TAFA2: variants seen among roughly 807,000 people sequenced by gnomAD.
The protein encoded by TAFA2 is TAFA chemokine like family member 2.
TAFA2 carries 7 observed loss-of-function variants against 18.8 expected under a neutral mutation model. The observed-to-expected ratio is 0.37, with a 90% CI of 0.21 to 0.70. The LOEUF is 0.70. Among genes scored for constraint, TAFA2 ranks in the 30% least tolerant of loss-of-function variants. TAFA2 has a pLI of 0.53. For synonymous variants in TAFA2, 60 were observed against 54.2 expected (o/e 1.11, Z -0.47); for missense variants, 122 against 158.1 (o/e 0.77, Z 1.23).
Position 62,257,173 on chromosome 12 carries a change from T to TATATATACACA in TAFA2, c.-130+1589_-130+1590insTGTGTATATAT, listed in dbSNP as rs1251453625. Among the ~76,000 whole-genome samples the TATATATACACA allele has an allele frequency of 6.7e-3, 1,009 of 151,202 alleles. 16 individuals are homozygous for TATATATACACA. Among genetic ancestry groups the TATATATACACA allele is most frequent in the African/African-American group, 0.022 (909 of 41,120 alleles). On this transcript the variant is annotated intron_variant, in intron 1 of 5. Coordinates refer to the TAFA2 transcript ENST00000551619. ...ATATATACATATATATGTGTGTGTG[T>TATATATACACA]GTGTGTGTGTGTGTGTGTGTGTGTG...
chr12:62,011,034 A>G (rs4763131), intron 1 of TAFA2, among the ~76,000 whole-genome samples: 36,886 of 85,468 alleles, frequency 0.43, 10,713 homozygotes, highest in Middle Eastern at 0.55. Flanking sequence ...CGGCCACCCC[A>G]TCTGGGAGGT....
intron 2 of TAFA2, among the ~76,000 whole-genome samples, chr12:61,817,354 A>G (rs1872126368): frequency 6.6e-6 from 1 of 152,184 alleles, no homozygotes; most frequent in African/African-American, 2.4e-5. Flanking sequence ...AATAATAATC[A>G]TAGTTATTAT....
At chr12:62,006,582 G>T (rs1374084179) in intron 1 of TAFA2, among the ~76,000 whole-genome samples, 2 of 152,102 alleles carry the variant, frequency 1.3e-5, no homozygotes, top group Non-Finnish European at 1.5e-5. Context: ...ACTAACTAAA[G>T]TCTAAGAGAG....
chr12:61,935,447 A>T (rs764874765), intron 1 of TAFA2, among the ~76,000 whole-genome samples: 1 of 152,198 alleles, frequency 6.6e-6, no homozygotes, highest in Non-Finnish European at 1.5e-5. Context: ...GTTTATAAAC[A>T]TCTTACCAAG....
At chr12:61,757,587 C>A (rs1477878165) in intron 2 of TAFA2, among the ~76,000 whole-genome samples, 2 of 151,588 alleles carry the variant, frequency 1.3e-5, no homozygotes, top group Non-Finnish European at 2.9e-5. Flanking sequence ...ATGGACTGAA[C>A]AAGATTACCA....
intron 1 of TAFA2, among the ~76,000 whole-genome samples, chr12:61,945,982 A>G (rs1439515190): frequency 7.8e-6 from 1 of 128,884 alleles, no homozygotes; most frequent in Non-Finnish European, 1.6e-5. Flanking sequence ...GAACCAAAAA[A>G]GAGCCCGCAT....
chr12:61,837,563 A>T (rs1872985753), intron 2 of TAFA2, among the ~76,000 whole-genome samples: 1 of 152,008 alleles, frequency 6.6e-6, no homozygotes, highest in South Asian at 2.1e-4. Context: ...CATCTCAAAC[A>T]TATCACTTAT....
At chr12:62,054,248 C>A (rs986109222) in intron 1 of TAFA2, among the ~76,000 whole-genome samples, 10 of 152,210 alleles carry the variant, frequency 6.6e-5, no homozygotes, top group Admixed American at 2.6e-4. Flanking sequence ...TACAGAAAGC[C>A]TGTCTATGTG....
chr12:62,155,243 G>T (rs935103891), intron 1 of TAFA2, among the ~76,000 whole-genome samples: 1 of 152,030 alleles, frequency 6.6e-6, no homozygotes, highest in Admixed American at 6.6e-5. Context: ...CCTAACCAAG[G>T]AGTCGAAAGA....
intron 1 of TAFA2, among the ~76,000 whole-genome samples, chr12:61,881,980 G>A (rs1314614739): frequency 6.6e-6 from 1 of 151,892 alleles, no homozygotes; most frequent in Non-Finnish European, 1.5e-5. Context: ...TATCTTCTCT[G>A]TGCTTCTTAT....
intron 1 of TAFA2, among the ~76,000 whole-genome samples, chr12:62,129,113 G>A (rs983859992): frequency 6.6e-5 from 10 of 151,850 alleles, no homozygotes; most frequent in Non-Finnish European, 1.3e-4. Context: ...CCAGAAGCAG[G>A]TATTTTTCTT....
intron 4 of TAFA2, among the ~76,000 whole-genome samples, chr12:61,734,388 T>G: frequency 7.3e-6 from 1 of 137,708 alleles, no homozygotes; most frequent in Admixed American, 7.2e-5. Context: ...GGGGGAGGGA[T>G]AGCATTAGGA....
intron 1 of TAFA2, among the ~76,000 whole-genome samples, chr12:62,045,035 A>C (rs1881873541): frequency 6.6e-6 from 1 of 152,178 alleles, no homozygotes. Flanking sequence ...GAACAGACTG[A>C]ATCATCCGTT....
intron 1 of TAFA2, among the ~76,000 whole-genome samples, chr12:62,026,738 C>G (rs1163071457): frequency 6.6e-6 from 1 of 152,026 alleles, no homozygotes; most frequent in Non-Finnish European, 1.5e-5. Context: ...TAAAAATACT[C>G]AAAATTATGA....
intron 2 of TAFA2, among the ~76,000 whole-genome samples, chr12:61,769,483 C>T (rs1248371284): frequency 6.6e-6 from 1 of 152,040 alleles, no homozygotes; most frequent in African/African-American, 2.4e-5. Context: ...TCACAGAGTC[C>T]ACTTTACTCC....
chr12:62,220,120 TA>T (rs536022233), intron 1 of TAFA2, among the ~76,000 whole-genome samples: 106 of 151,062 alleles, frequency 7.0e-4, no homozygotes, highest in South Asian at 3.6e-3. Context: ...AGCCACCAAA[TA>T]AAAAAAACCT....
At chr12:62,217,478 A>G (rs367845775) in intron 1 of TAFA2, among the ~76,000 whole-genome samples, 2 of 152,236 alleles carry the variant, frequency 1.3e-5, no homozygotes, top group East Asian at 1.9e-4. Context: ...TCAAGTGATT[A>G]ATGGACTAAA....
chr12:61,780,896 T>C (rs777030763), intron 2 of TAFA2, among the ~76,000 whole-genome samples: 5 of 151,786 alleles, frequency 3.3e-5, no homozygotes, highest in Non-Finnish European at 7.4e-5. Flanking sequence ...TTTTTCTTTA[T>C]AGGGACTGGT....
intron 1 of TAFA2, among the ~76,000 whole-genome samples, chr12:62,134,618 A>C (rs1382031120): frequency 2.0e-5 from 3 of 152,088 alleles, no homozygotes; most frequent in African/African-American, 7.2e-5. Context: ...ACTTGTCACA[A>C]TCTACACTTT....
Sources: allele counts gnomAD v4.1 joint callset (sites outside exome capture counted in the v4.1 genomes callset), GRCh38; gene constraint gnomAD v4.1.1; transcripts MANE v1.5; gene names NCBI Gene and HGNC (gene_info 2026-07-23, HGNC 2026-07-21).